COL14A1: variants seen among roughly 807,000 people sequenced by gnomAD.
The protein encoded by COL14A1 is collagen alpha-1(XIV) chain.
COL14A1 carries 136 observed loss-of-function variants against 230.3 expected under a neutral mutation model. That is an observed-to-expected ratio of 0.59 (90% CI 0.51 to 0.68). COL14A1 has a LOEUF of 0.68. Among genes scored for constraint, COL14A1 ranks in the 30% least tolerant of loss-of-function variants. The pLI, the probability that COL14A1 is intolerant of heterozygous loss-of-function variation, is 0.00. For missense variants in COL14A1, 1,976 were observed against 2,215.8 expected, an observed-to-expected ratio of 0.89 and a Z score of 2.17; for synonymous variants, 792 against 784.1, an observed-to-expected ratio of 1.01 and a Z score of -0.17.
At chr8:120,285,298 A>G (rs552301775) in intron 32 of COL14A1, among the ~76,000 whole-genome samples, 17 of 151,938 alleles carry the variant, frequency 1.1e-4, no homozygotes, top group Admixed American at 2.6e-4. Flanking sequence ...AGCCGTCTCT[A>G]CTAAAAATAC....
At chr8:120,346,601 A>G (rs1288460637) in intron 45 of COL14A1, among the ~76,000 whole-genome samples, 1 of 152,146 alleles carries the variant, frequency 6.6e-6, no homozygotes, top group Non-Finnish European at 1.5e-5. Context: ...CTGCCTCTGC[A>G]CTTTTGTACA....
At chr8:120,214,664 G>A (rs776011937) in intron 13 of COL14A1, among the ~76,000 whole-genome samples, 1 of 152,116 alleles carries the variant, frequency 6.6e-6, no homozygotes, top group Non-Finnish European at 1.5e-5. Context: ...TGTTTATTGA[G>A]TACTTGCTAT....
chr8:120,241,317 C>T (rs1022544583), intron 19 of COL14A1, among the ~76,000 whole-genome samples: 1 of 152,118 alleles, frequency 6.6e-6, no homozygotes, highest in Non-Finnish European at 1.5e-5. Flanking sequence ...TAGTCCTTCA[C>T]CACAAAGAGT....
At chr8:120,339,416 C>T (rs1483263346) in intron 42 of COL14A1, among the ~76,000 whole-genome samples, 3 of 152,200 alleles carry the variant, frequency 2.0e-5, no homozygotes, top group African/African-American at 4.8e-5. Flanking sequence ...TCTTCTTTCT[C>T]TGTAGAGGTT....
intron 1 of COL14A1, among the ~76,000 whole-genome samples, chr8:120,126,072 C>T (rs2130356480): frequency 6.6e-6 from 1 of 152,310 alleles, no homozygotes; most frequent in East Asian, 1.9e-4. Context: ...ATTGGAGAAT[C>T]CTCTCCGCTT....
intron 26 of COL14A1, among the ~76,000 whole-genome samples, chr8:120,271,440 T>C (rs1257169129): frequency 6.6e-6 from 1 of 151,378 alleles, no homozygotes; most frequent in African/African-American, 2.4e-5. Flanking sequence ...AGCAAATAGA[T>C]TCACAAGGTA....
intron 15 of COL14A1, among the ~76,000 whole-genome samples, chr8:120,225,999 T>G (rs1818083036): frequency 6.6e-6 from 1 of 152,108 alleles, no homozygotes; most frequent in South Asian, 2.1e-4. Context: ...TTATGTTTTT[T>G]TTTTTGTTTT....
intron 45 of COL14A1, among the ~76,000 whole-genome samples, chr8:120,358,214 T>G (rs1226346704): frequency 6.6e-6 from 1 of 152,184 alleles, no homozygotes; most frequent in Non-Finnish European, 1.5e-5. Context: ...AATGGCTGAT[T>G]AATCCCACCG....
chr8:120,309,843 G>A (rs1001833487), intron 36 of COL14A1, among the ~76,000 whole-genome samples, 166 bp from the exon 37 acceptor site: 7 of 152,104 alleles, frequency 4.6e-5, no homozygotes, highest in African/African-American at 1.4e-4. Context: ...CGCTGGGGCT[G>A]GGTGGTAAAT....
Position 120,332,605 on chromosome 8 carries a change from T to G in COL14A1, c.4714-59T>G, listed in dbSNP as rs73706438. 4,262 of 1,425,236 alleles carry G rather than the reference T, an allele frequency of 3.0e-3. 81 individuals carry two copies. In the African/African-American group the frequency reaches 0.048, roughly 16 times the overall value. The allele number at this position is 1,425,236 out of a possible 1,614,324, so 88.3% of individuals were successfully genotyped here. On this transcript the variant is annotated intron_variant, in intron 41 of 47. Coordinates refer to ENST00000297848, the MANE Select transcript of COL14A1 (RefSeq NM_021110.4). ...TTGTTACTCTTGCTTAAAAGTTGGCTGTCATTGATGAGAATGTGTGATTCC... is the reference window on the plus strand; with the variant it reads ...TTGTTACTCTTGCTTAAAAGTTGGCGGTCATTGATGAGAATGTGTGATTCC...
At position 120,367,152 on chromosome 8, in the gene COL14A1, T is replaced by A. The variant is rs756852737; in HGVS notation, c.5078-19T>A. 19 of 1,555,656 alleles carry A rather than the reference T, an allele frequency of 1.2e-5. No homozygotes were observed. In the East Asian group the frequency reaches 3.0e-4, roughly 25 times the overall value. ...TTTTAAAAAGAACTTTAAACATTTT[T>A]AAAAATTATTTTAAACAGGTCTAAC... On this transcript the variant is annotated intron_variant, in intron 45 of 47. Transcript: ENST00000297848.
At chr8:120,202,019 C>T (rs181084100) in intron 8 of COL14A1, among the ~76,000 whole-genome samples, 7 of 152,278 alleles carry the variant, frequency 4.6e-5, no homozygotes, top group Admixed American at 3.9e-4. Flanking sequence ...TCAGCATACA[C>T]TCAATGTTAT....
At chr8:120,206,161 A>T (rs1473275687) in intron 9 of COL14A1, among the ~76,000 whole-genome samples, 1 of 152,190 alleles carries the variant, frequency 6.6e-6, no homozygotes, top group Non-Finnish European at 1.5e-5. Flanking sequence ...AAGCCCAGAT[A>T]TCAATGTCAA....
chr8:120,282,359 C>T (rs1820064299), intron 31 of COL14A1, among the ~76,000 whole-genome samples: 1 of 152,188 alleles, frequency 6.6e-6, no homozygotes, highest in Non-Finnish European at 1.5e-5. Flanking sequence ...CCTCTGGAGA[C>T]ACCCTCACTG....
At chr8:120,301,761 C>G (rs1820717302) in intron 36 of COL14A1, among the ~76,000 whole-genome samples, 1 of 151,982 alleles carries the variant, frequency 6.6e-6, no homozygotes, top group South Asian at 2.1e-4. Context: ...CTGTTTGTAG[C>G]TCTTTGAGGA....
At chr8:120,246,105 GT>G (rs2130856875) in intron 20 of COL14A1, among the ~76,000 whole-genome samples, 1 of 152,298 alleles carries the variant, frequency 6.6e-6, no homozygotes, top group Admixed American at 6.5e-5. Context: ...GAAGTGTGGA[GT>G]TTTCAACTAA....
intron 44 of COL14A1, among the ~76,000 whole-genome samples, chr8:120,344,290 T>G (rs1011404471): frequency 1.1e-4 from 16 of 152,244 alleles, no homozygotes; most frequent in African/African-American, 3.9e-4. Flanking sequence ...TTGTATTCCT[T>G]CAGCTGCCAC....
chr8:120,291,417 C>T (rs1213073463), intron 34 of COL14A1, among the ~76,000 whole-genome samples: 3 of 151,568 alleles, frequency 2.0e-5, no homozygotes, highest in Admixed American at 6.6e-5. Context: ...AAAAATTAGC[C>T]GGATGTGGTG....
intron 5 of COL14A1, among the ~76,000 whole-genome samples, chr8:120,187,460 C>A (rs889430735): frequency 5.3e-5 from 8 of 152,064 alleles, no homozygotes; most frequent in African/African-American, 1.9e-4. Context: ...TTTGAACTGC[C>A]AGAAGTTGGG....
Sources: gnomAD v4.1 joint callset for allele counts (sites outside exome capture counted in the v4.1 genomes callset) on GRCh38, gnomAD v4.1.1 for gene constraint, MANE v1.5 for transcripts, NCBI Gene and HGNC (gene_info 2026-07-23, HGNC 2026-07-21) for gene names.